ALKBH5: variants seen among roughly 807,000 people sequenced by gnomAD.
ALKBH5 encodes the protein alkB homolog 5, RNA demethylase.
Under a neutral mutation model 32.1 loss-of-function variants are expected in ALKBH5, and 2 were observed. That is an observed-to-expected ratio of 0.06 (90% CI 0.03 to 0.20). ALKBH5 has a LOEUF of 0.20. Ranked by LOEUF, ALKBH5 falls within the 10% of genes least tolerant of loss-of-function variation. ALKBH5 has a pLI of 1.00. For missense variants in ALKBH5, 352 were observed against 559.5 expected (o/e 0.63, Z 3.74); for synonymous variants, 300 against 231.7 (o/e 1.29, Z -2.68).
intron 1 of ALKBH5, among the ~76,000 whole-genome samples, chr17:18,191,470 G>A (rs1020977318): frequency 2.6e-5 from 4 of 152,200 alleles, no homozygotes; most frequent in Non-Finnish European, 4.4e-5. Context: ...GCCCTTTGGG[G>A]GATGGGGTCA....
intron 2 of ALKBH5, among the ~76,000 whole-genome samples, chr17:18,205,190 C>G (rs2047262307): frequency 6.6e-6 from 1 of 152,186 alleles, no homozygotes; most frequent in Non-Finnish European, 1.5e-5. Flanking sequence ...CGCAAAGAAG[C>G]CTTAGAGCTA....
chr17:18,190,510 C>T (rs1263276498), intron 1 of ALKBH5, among the ~76,000 whole-genome samples: 3 of 147,264 alleles, frequency 2.0e-5, no homozygotes, highest in Non-Finnish European at 4.4e-5. Context: ...GATTGCGCCA[C>T]TGCATTCCAG....
At chr17:18,207,812 TG>T (rs1457835404) in intron 3 of ALKBH5, among the ~76,000 whole-genome samples, 1 of 151,914 alleles carries the variant, frequency 6.6e-6, no homozygotes, top group Non-Finnish European at 1.5e-5. Flanking sequence ...AAGAGCTTTG[TG>T]GTTTCAGGGG....
At chr17:18,194,922 C>G in intron 1 of ALKBH5, 33 bp from the exon 2 acceptor site, 3 of 1,608,528 alleles carry the variant, frequency 1.9e-6, no homozygotes, top group Non-Finnish European at 2.6e-6. Context: ...TCTGTCTACT[C>G]TTCATGGTCA....
At chr17:18,196,033 C>G (rs1475080055) in intron 2 of ALKBH5, among the ~76,000 whole-genome samples, 1 of 152,070 alleles carries the variant, frequency 6.6e-6, no homozygotes, top group Non-Finnish European at 1.5e-5. Context: ...TCCCATTTCT[C>G]CTATTTGTTA....
At chr17:18,193,674 C>T (rs1000764257) in intron 1 of ALKBH5, among the ~76,000 whole-genome samples, 27 of 152,182 alleles carry the variant, frequency 1.8e-4, no homozygotes, top group African/African-American at 6.5e-4. Flanking sequence ...CTCTTGTTGG[C>T]TCTTGCATCC....
chr17:18,191,949 TAAAA>T (rs553466001), intron 1 of ALKBH5, among the ~76,000 whole-genome samples: 1 of 140,748 alleles, frequency 7.1e-6, no homozygotes, highest in African/African-American at 2.6e-5. Flanking sequence ...ACTCTGTCTT[TAAAA>T]AAAAAAAAAA....
At chr17:18,186,695 C>T (rs533171247) in intron 1 of ALKBH5, among the ~76,000 whole-genome samples, 6 of 152,314 alleles carry the variant, frequency 3.9e-5, no homozygotes, top group African/African-American at 1.4e-4. Context: ...TTCTCTTCAT[C>T]TTTTCCTCAG....
intron 2 of ALKBH5, among the ~76,000 whole-genome samples, chr17:18,197,642 C>T (rs1447086752): frequency 2.0e-5 from 3 of 152,312 alleles, no homozygotes; most frequent in East Asian, 3.9e-4. Flanking sequence ...CATACCTGGC[C>T]GCCCAGTCCA....
At chr17:18,207,367 G>A (rs113479377) in intron 3 of ALKBH5, among the ~76,000 whole-genome samples, 1 of 151,800 alleles carries the variant, frequency 6.6e-6, no homozygotes, top group Non-Finnish European at 1.5e-5. Context: ...TTTTTTAAAG[G>A]AAAAAAAATG....
chr17:18,185,816 A>C (rs1378798174), intron 1 of ALKBH5, among the ~76,000 whole-genome samples: 1 of 152,208 alleles, frequency 6.6e-6, no homozygotes, highest in Admixed American at 6.5e-5. Flanking sequence ...CATTGGGAAC[A>C]CCTTTGCTGT....
At position 18,183,921 on chromosome 17, in the gene ALKBH5, C is replaced by T. The variant is rs1047813682; in HGVS notation, c.-323C>T. On this transcript the variant is annotated 5_prime_UTR_variant, in exon 1 of 4. Coordinates refer to ENST00000399138, the MANE Select transcript of ALKBH5 (RefSeq NM_017758.4). The stretch of plus-strand genomic sequence containing the variant: ...TTAAAGTGCGGGCCGGGCCGGGCGT[C>T]CGAGGGTCTGGTCGGGAGTCGGGCC... 31 of 538,208 alleles carry T rather than the reference C, an allele frequency of 5.8e-5. No homozygotes were observed. Among genetic ancestry groups the T allele is most frequent in the Non-Finnish European group, 1.0e-4 (29 of 287,334 alleles). The allele number at this position is 538,208 out of a possible 1,614,324, so 33.3% of individuals were successfully genotyped here. A position where few individuals can be genotyped will look rare whatever the true frequency, so the allele number is the denominator to read the frequency against.
Position 18,184,356 on chromosome 17 carries a change from TAGCCGCCGC to T in ALKBH5, c.120_128del (p.Ala46_Ala48del), listed in dbSNP as rs754503234. 1.4e-5 allele frequency: 21 copies of T among 1,517,810 alleles called. No individual in the cohort carries two copies. Among genetic ancestry groups the T allele is most frequent in the South Asian group, 2.5e-5 (2 of 80,518 alleles). 94.0% of individuals were successfully genotyped at this position (1,517,810 alleles called of 1,614,324 possible). A position where few individuals can be genotyped will look rare whatever the true frequency, so the allele number is the denominator to read the frequency against. On this transcript the variant is annotated inframe_deletion, in exon 1 of 4. Coordinates refer to ENST00000399138, the MANE Select transcript of ALKBH5 (RefSeq NM_017758.4). ...GCCGCCGCCGCTGCCGCAGCCGCCG[TAGCCGCCGC>T]AGCCGCAGCCGCCGCTGCCGCCGAA...
chr17:18,192,893 T>C (rs1314660823), intron 1 of ALKBH5, among the ~76,000 whole-genome samples: 3 of 138,260 alleles, frequency 2.2e-5, no homozygotes, highest in Non-Finnish European at 4.6e-5. Context: ...GGAGTCTCAC[T>C]CTGTCACCCA....
chr17:18,198,992 C>T (rs918078464), intron 2 of ALKBH5, among the ~76,000 whole-genome samples: 29 of 152,142 alleles, frequency 1.9e-4, no homozygotes, highest in African/African-American at 6.5e-4. Context: ...GTGGAGTACC[C>T]CAAGTCCTGC....
chr17:18,185,457 C>T (rs1597835252), intron 1 of ALKBH5, among the ~76,000 whole-genome samples: 1 of 151,598 alleles, frequency 6.6e-6, no homozygotes, highest in East Asian at 1.9e-4. Flanking sequence ...GATTCCTTAA[C>T]AGAGAAAGTA....
intron 1 of ALKBH5, among the ~76,000 whole-genome samples, chr17:18,190,722 A>C (rs2047169477): frequency 6.6e-6 from 1 of 152,160 alleles, no homozygotes; most frequent in African/African-American, 2.4e-5. Flanking sequence ...GGGATGAGTA[A>C]GGCCTTTGAA....
In ALKBH5 at chr17:18,209,714, TC is replaced by T. The variant is rs759393792; in HGVS notation, c.*1320del. 6.6e-6 allele frequency: 1 copy of T among 152,252 alleles called. No homozygotes were observed. The highest frequency in any genetic ancestry group is 1.5e-5 in the Non-Finnish European group (1 of 68,008). The allele number at this position is 152,252 out of a possible 1,614,324, so 9.4% of individuals were successfully genotyped here. A position where few individuals can be genotyped will look rare whatever the true frequency, so the allele number is the denominator to read the frequency against. ...ACTTTGGGGGCTTTGTGTACAGAGG[TC>T]CGGGTCTGAGACCTCATAGGCTGCA... On this transcript the variant is annotated 3_prime_UTR_variant, in exon 4 of 4. Coordinates refer to ENST00000399138, the MANE Select transcript of ALKBH5 (RefSeq NM_017758.4).
intron 1 of ALKBH5, among the ~76,000 whole-genome samples, chr17:18,188,999 G>A (rs1406377976): frequency 3.9e-5 from 6 of 152,110 alleles, no homozygotes; most frequent in Non-Finnish European, 8.8e-5. Context: ...CCCGGGAGGC[G>A]GAGGTTGCAA....
Sources: allele counts gnomAD v4.1 joint callset (sites outside exome capture counted in the v4.1 genomes callset), GRCh38; gene constraint gnomAD v4.1.1; transcripts MANE v1.5; gene names NCBI Gene and HGNC (gene_info 2026-07-23, HGNC 2026-07-21).